Variants in KLHL1 observed in about 807,000 individuals in gnomAD.
KLHL1 encodes the protein kelch like family member 1.
In KLHL1, 47 loss-of-function variants were observed where a neutral mutation model predicts 77.7. That is an observed-to-expected ratio of 0.60 (90% CI 0.48 to 0.77). KLHL1 has a LOEUF of 0.77. Ranked by LOEUF, KLHL1 falls within the 30% of genes least tolerant of loss-of-function variation. The pLI, the probability that KLHL1 is intolerant of heterozygous loss-of-function variation, is 0.00. For missense variants in KLHL1, 925 were observed against 910.8 expected (o/e 1.02, Z -0.20); for synonymous variants, 360 against 325.2 (o/e 1.11, Z -1.15).
At chr13:70,100,713 A>C (rs1433968542) in intron 1 of KLHL1, among the ~76,000 whole-genome samples, 1 of 152,206 alleles carries the variant, frequency 6.6e-6, no homozygotes, top group Non-Finnish European at 1.5e-5. Context: ...TCTTCATCAG[A>C]TCTTTTCTTT....
At chr13:69,738,640 A>G (rs1873860023) in intron 8 of KLHL1, among the ~76,000 whole-genome samples, 1 of 152,096 alleles carries the variant, frequency 6.6e-6, no homozygotes, top group Admixed American at 6.6e-5. Context: ...CAAGCAGAAG[A>G]AAGAATATCA....
intron 6 of KLHL1, among the ~76,000 whole-genome samples, chr13:69,834,413 T>C (rs1297741587): frequency 2.0e-5 from 3 of 151,976 alleles, no homozygotes; most frequent in Non-Finnish European, 1.5e-5. Flanking sequence ...TGAAGGGTCC[T>C]ATGGGAAGAG....
intron 1 of KLHL1, among the ~76,000 whole-genome samples, chr13:70,075,588 T>TATATATATATATATATATATAC (rs1221350719): frequency 8.2e-6 from 1 of 122,008 alleles, no homozygotes; most frequent in Admixed American, 8.6e-5. Flanking sequence ...TATATATATA[T>TATATATATATATATATATATAC]ACACACACAC....
intron 3 of KLHL1, among the ~76,000 whole-genome samples, chr13:69,941,199 A>C (rs1883355462): frequency 1.3e-5 from 2 of 152,038 alleles, no homozygotes; most frequent in Non-Finnish European, 2.9e-5. Context: ...TCCAAGATAG[A>C]CCAGGAACAA....
At chr13:69,830,499 T>C (rs998576186) in intron 6 of KLHL1, among the ~76,000 whole-genome samples, 1 of 150,098 alleles carries the variant, frequency 6.7e-6, no homozygotes, top group South Asian at 2.1e-4. Context: ...ACAATAATAG[T>C]AGGGAACTTT....
intron 8 of KLHL1, among the ~76,000 whole-genome samples, chr13:69,719,938 T>C (rs188031700): frequency 1.6e-3 from 243 of 152,102 alleles, no homozygotes; most frequent in African/African-American, 5.6e-3. Context: ...TATAAGACAG[T>C]GAACATAAAC....
intron 2 of KLHL1, among the ~76,000 whole-genome samples, chr13:69,968,283 G>C (rs1052522443): frequency 1.3e-5 from 2 of 151,790 alleles, no homozygotes; most frequent in Admixed American, 6.6e-5. Flanking sequence ...TGATGAAGTA[G>C]TGCTACTGCA....
intron 7 of KLHL1, among the ~76,000 whole-genome samples, chr13:69,751,577 C>A (rs891812972): frequency 2.0e-5 from 3 of 151,936 alleles, no homozygotes; most frequent in Non-Finnish European, 4.4e-5. Context: ...TGAAAGAAGG[C>A]CGATGTGGCA....
chr13:69,701,926 A>T (rs1875413884), intron 10 of KLHL1, among the ~76,000 whole-genome samples, 165 bp from the exon 11 acceptor site: 1 of 151,798 alleles, frequency 6.6e-6, no homozygotes, highest in East Asian at 1.9e-4. Flanking sequence ...ATGGCATTTT[A>T]AAAAAGCCAT....
chr13:69,880,675 C>T (rs1880954114), intron 5 of KLHL1, among the ~76,000 whole-genome samples: 1 of 152,082 alleles, frequency 6.6e-6, no homozygotes, highest in Non-Finnish European at 1.5e-5. Context: ...GCACAGGTGG[C>T]AGCATCTCCC....
chr13:69,774,842 T>A (rs1390174620), intron 7 of KLHL1, among the ~76,000 whole-genome samples: 2 of 152,226 alleles, frequency 1.3e-5, no homozygotes, highest in Admixed American at 1.3e-4. Flanking sequence ...AGCTTATCAT[T>A]AAAGCTGCTA....
At chr13:69,932,881 T>C (rs1022013542) in intron 4 of KLHL1, among the ~76,000 whole-genome samples, 2 of 152,044 alleles carry the variant, frequency 1.3e-5, no homozygotes, top group African/African-American at 2.4e-5. Flanking sequence ...ATTTACATAA[T>C]GGGTAGCAAT....
intron 2 of KLHL1, among the ~76,000 whole-genome samples, chr13:69,971,280 A>T (rs966848827): frequency 6.6e-6 from 1 of 152,098 alleles, no homozygotes; most frequent in African/African-American, 2.4e-5. Context: ...AACATAATCA[A>T]TGCAGTGAGT....
At chr13:70,072,693 A>C (rs1404416156) in intron 1 of KLHL1, among the ~76,000 whole-genome samples, 1 of 152,124 alleles carries the variant, frequency 6.6e-6, no homozygotes, top group Non-Finnish European at 1.5e-5. Flanking sequence ...AAGAAAAAAA[A>C]AGGGGGATTA....
At chr13:69,892,224 T>C (rs1334010755) in intron 4 of KLHL1, among the ~76,000 whole-genome samples, 1 of 152,146 alleles carries the variant, frequency 6.6e-6, no homozygotes, top group Admixed American at 6.5e-5. Context: ...CTGTACAATC[T>C]TTATAAAAGC....
chr13:69,727,819 T>TA (rs2137908573), intron 8 of KLHL1, among the ~76,000 whole-genome samples: 1 of 152,236 alleles, frequency 6.6e-6, no homozygotes, highest in South Asian at 2.1e-4. Context: ...GAGTGAATAT[T>TA]TATAAAATTG....
chr13:69,838,898 A>G, intron 6 of KLHL1, 78 bp downstream of exon 6: 3 of 868,120 alleles, frequency 3.5e-6, no homozygotes, highest in Non-Finnish European at 4.9e-6. Flanking sequence ...CATTTTTTGT[A>G]GTATCACCAT....
intron 4 of KLHL1, among the ~76,000 whole-genome samples, chr13:69,885,404 C>T (rs1054998169): frequency 4.1e-5 from 6 of 145,736 alleles, no homozygotes; most frequent in Non-Finnish European, 6.0e-5. Flanking sequence ...CACTTACCTA[C>T]GTATTATTAT....
intron 1 of KLHL1, among the ~76,000 whole-genome samples, chr13:70,096,587 CTT>C (rs1209701089): frequency 6.8e-6 from 1 of 148,124 alleles, no homozygotes; most frequent in Non-Finnish European, 1.5e-5. Context: ...TTTTACTTGT[CTT>C]TTATTTTTTC....
Sources: gnomAD v4.1 joint callset for allele counts (sites outside exome capture counted in the v4.1 genomes callset) on GRCh38, gnomAD v4.1.1 for gene constraint, MANE v1.5 for transcripts, NCBI Gene and HGNC (gene_info 2026-07-23, HGNC 2026-07-21) for gene names.